C22orf42: variants seen among roughly 807,000 people sequenced by gnomAD.
The protein encoded by C22orf42 is uncharacterized protein C22orf42.
In C22orf42, 24 loss-of-function variants were observed where a neutral mutation model predicts 31.4. That is an observed-to-expected ratio of 0.77 (90% CI 0.55 to 1.08). C22orf42 has a LOEUF of 1.08. C22orf42 is among the 50% of genes least tolerant of loss of function. C22orf42 has a pLI of 0.00. For synonymous variants in C22orf42, 96 were observed against 112.7 expected (o/e 0.85, Z 0.94); for missense variants, 276 against 327.3 (o/e 0.84, Z 1.21).
intron 5 of C22orf42, among the ~76,000 whole-genome samples, 160 bp downstream of exon 5, chr22:32,151,327 C>G (rs879056609): frequency 2.6e-5 from 4 of 152,214 alleles, no homozygotes; most frequent in South Asian, 2.1e-4. Context: ...CATCGTCAAT[C>G]AGGCCTCAGT....
Position 32,149,379 on chromosome 22 carries a change from G to T in C22orf42, c.*161C>A, listed in dbSNP as rs2094107980. 2 of 827,684 alleles carry T rather than the reference G, an allele frequency of 2.4e-6. No homozygotes were observed. Among genetic ancestry groups the T allele is most frequent in the Non-Finnish European group, 3.2e-6 (2 of 621,778 alleles). 51.3% of individuals were successfully genotyped at this position (827,684 alleles called of 1,614,324 possible). On this transcript the variant is annotated 3_prime_UTR_variant, in exon 9 of 9. Transcript: ENST00000382097. ...ATGTAAGAACACCAGGCTGCAAGAG[G>T]ACTGGCTGCAGCCACAAACTGCAGG... is the stretch of plus-strand genomic sequence containing the variant.
At position 32,152,604 on chromosome 22, in the gene C22orf42, C is replaced by T. The variant is rs542443093; in HGVS notation, c.330G>A (p.Ala110=). The part of the protein sequence containing the change: ...ENIGPTEDVQ[A]SAHGGVEENM... The stretch of plus-strand genomic sequence containing the variant: ...TCTCCTCCACACCGCCGTGTGCAGA[C>T]GCCTGCACATCTTCAGTGGGACCTA... Residue 110 remains alanine, a synonymous_variant, in exon 3 of 9, where the codon GCG becomes GCA. Coordinates refer to ENST00000382097, the MANE Select transcript of C22orf42 (RefSeq NM_001010859.3). The T allele has an allele frequency of 8.6e-5, 138 of 1,613,716 alleles. 4 individuals carry two copies. The highest frequency in any genetic ancestry group is 8.3e-4 in the South Asian group (76 of 91,070).
In C22orf42 at chr22:32,150,567, T is replaced by C. The variant is rs1221308440; in HGVS notation, c.494-88A>G. ...GGGGATGTGGACCAGGGCTGGATCA[T>C]GTGCAGGTGGGCGGTTGACAGGCAT... On this transcript the variant is annotated intron_variant, in intron 6 of 8. Coordinates refer to ENST00000382097, the MANE Select transcript of C22orf42 (RefSeq NM_001010859.3). 31 of 1,398,326 alleles carry C rather than the reference T, an allele frequency of 2.2e-5. 1 individual carries two copies. The highest frequency in any genetic ancestry group is 1.7e-5 in the Admixed American group (1 of 58,744). 86.6% of individuals were successfully genotyped at this position (1,398,326 alleles called of 1,614,324 possible). A position where few individuals can be genotyped will look rare whatever the true frequency, so the allele number is the denominator to read the frequency against.
chr22:32,153,937 C>A (rs557916954), intron 2 of C22orf42, among the ~76,000 whole-genome samples: 2 of 151,942 alleles, frequency 1.3e-5, no homozygotes, highest in East Asian at 3.9e-4. Flanking sequence ...GTGGAAGGAT[C>A]CCCTGAACCT....
upstream of C22orf42, chr22:32,160,029 C>A (rs193209696): frequency 1.8e-4 from 27 of 152,310 alleles, no homozygotes; most frequent in East Asian, 5.0e-3. Context: ...TACCACTGTC[C>A]TCATTTGATG....
chr22:32,149,665 AT>A (rs1453170744), intron 8 of C22orf42, 52 bp from the exon 9 acceptor site: 4 of 1,256,370 alleles, frequency 3.2e-6, no homozygotes, highest in Non-Finnish European at 3.1e-6. Flanking sequence ...ATATATATAT[AT>A]ATCTACATAT....
At chr22:32,150,708 T>C (rs2094111513) in intron 6 of C22orf42, 1 of 624,546 alleles carries the variant, frequency 1.6e-6, no homozygotes, top group Non-Finnish European at 2.9e-6. Flanking sequence ...CAATGTGAAA[T>C]AGTCACCTTA....
intron 3 of C22orf42, 57 bp from the exon 4 acceptor site, chr22:32,152,151 G>A (rs1431899440): frequency 7.5e-5 from 118 of 1,574,858 alleles, no homozygotes; most frequent in Non-Finnish European, 9.5e-5. Context: ...GCTGGGTTCT[G>A]TTGGCAAAGG....
intron 1 of C22orf42, among the ~76,000 whole-genome samples, chr22:32,156,396 A>G (rs896351164): frequency 2.7e-5 from 4 of 149,576 alleles, no homozygotes; most frequent in Non-Finnish European, 5.9e-5. Context: ...TACATAATGC[A>G]CAATCAATTA....
At chr22:32,151,331 C>T (rs1387100642) in intron 5 of C22orf42, among the ~76,000 whole-genome samples, 156 bp downstream of exon 5, 2 of 152,154 alleles carry the variant, frequency 1.3e-5, no homozygotes, top group African/African-American at 4.8e-5. Flanking sequence ...GTCAATCAGG[C>T]CTCAGTTGGT....
chr22:32,155,797 CT>C (rs1321980956), intron 1 of C22orf42, among the ~76,000 whole-genome samples: 3 of 152,156 alleles, frequency 2.0e-5, no homozygotes, highest in African/African-American at 7.2e-5. Flanking sequence ...TTTTTGGAGG[CT>C]AAGGCAGGAG....
At chr22:32,150,122 C>T (rs977351934) in intron 7 of C22orf42, among the ~76,000 whole-genome samples, 197 bp downstream of exon 7, 2 of 152,138 alleles carry the variant, frequency 1.3e-5, no homozygotes, top group African/African-American at 2.4e-5. Context: ...AGTGACTGGT[C>T]GCTAGGGTCC....
intron 3 of C22orf42, 43 bp from the exon 4 acceptor site, chr22:32,152,137 T>A: frequency 6.3e-7 from 1 of 1,587,956 alleles, no homozygotes; most frequent in Non-Finnish European, 8.5e-7. Flanking sequence ...GAGGATCAGA[T>A]CATGCTGGGT....
chr22:32,158,922 G>T, intron 1 of C22orf42, 62 bp downstream of exon 1: 2 of 1,572,168 alleles, frequency 1.3e-6, no homozygotes, highest in South Asian at 1.1e-5. Context: ...GACTGCAAAG[G>T]GGTGGGGGCG....
chr22:32,157,230 C>T (rs970601247), intron 1 of C22orf42, among the ~76,000 whole-genome samples: 14 of 151,984 alleles, frequency 9.2e-5, no homozygotes, highest in Non-Finnish European at 1.8e-4. Context: ...ACCTGCACTT[C>T]GCCACCAGCC....
chr22:32,157,318 T>C (rs1921316465), intron 1 of C22orf42, among the ~76,000 whole-genome samples: 1 of 152,122 alleles, frequency 6.6e-6, no homozygotes, highest in African/African-American at 2.4e-5. Flanking sequence ...GTCTTCTTCT[T>C]GGAGGATTAA....
At chr22:32,154,935 G>A (rs1921181860) in intron 1 of C22orf42, among the ~76,000 whole-genome samples, 1 of 152,210 alleles carries the variant, frequency 6.6e-6, no homozygotes, top group South Asian at 2.1e-4. Context: ...TGGGCATGAT[G>A]CTTTCCAGCT....
At chr22:32,152,234 A>T in intron 3 of C22orf42, 140 bp from the exon 4 acceptor site, 1 of 992,710 alleles carries the variant, frequency 1.0e-6, no homozygotes, top group Non-Finnish European at 1.5e-6. Context: ...CAAATAAAGC[A>T]TAGAGGATGC....
At position 32,158,998 on chromosome 22, in the gene C22orf42, A is replaced by C; in HGVS notation, c.218T>G (p.Leu73Arg). ...GGCTTCTTTACCTTTGGACATCTTC[A>C]GCATCTTCGGCGTCTTCGGGAGGCT... ...YLSLPKTPKMLKMSKGLDARS... is the reference protein window; with the variant it reads ...YLSLPKTPKMRKMSKGLDARS... Residue 73 changes from leucine to arginine, a missense_variant, in exon 1 of 9, where the codon CTG (leucine) becomes CGG (arginine). By Grantham distance (102) the Leu-to-Arg change is moderately radical. Coordinates refer to ENST00000382097, the MANE Select transcript of C22orf42 (RefSeq NM_001010859.3). 6.2e-7 allele frequency: 1 copy of C among 1,613,874 alleles called. No homozygotes were observed. Among genetic ancestry groups the C allele is most frequent in the Non-Finnish European group, 8.5e-7 (1 of 1,179,924 alleles).
Sources: allele counts gnomAD v4.1 joint callset (sites outside exome capture counted in the v4.1 genomes callset), GRCh38; gene constraint gnomAD v4.1.1; transcripts MANE v1.5; gene names NCBI Gene and HGNC (gene_info 2026-07-23, HGNC 2026-07-21).